NPHS1: variants seen among roughly 807,000 people sequenced by gnomAD.
NPHS1 encodes the protein nephrin.
In NPHS1, 107 loss-of-function variants were observed where a neutral mutation model predicts 139.7. The ratio of observed to expected loss-of-function variants is 0.77; its 90% CI spans 0.66 to 0.90. The LOEUF (loss-of-function observed/expected upper bound fraction) is 0.90, where lower values mean the gene tolerates loss of function less well. NPHS1 is among the 40% of genes least tolerant of loss of function. NPHS1 has a pLI of 0.00. For synonymous variants in NPHS1, 707 were observed against 706.6 expected, an observed-to-expected ratio of 1.00 and a Z score of -0.01; for missense variants, 1,580 against 1,654.2, an observed-to-expected ratio of 0.96 and a Z score of 0.78.
At position 35,839,490 on chromosome 19, in the gene NPHS1, A is replaced by T. The variant is rs1449026883; in HGVS notation, c.2927+6T>A. 6.2e-7 allele frequency: 1 copy of T among 1,613,878 alleles called. No homozygotes were observed. The highest frequency in any genetic ancestry group is 1.7e-5 in the Admixed American group (1 of 60,004). ...TCCCTTCCCTCCTGCCTCGACAAGG[A>T]CCCACCTGATGCAGAACCTCTGTGG... On this transcript the variant is annotated splice_donor_region_variant and intron_variant, in intron 21 of 28. Transcript: ENST00000378910.
chr19:35,848,100 C>G lies in NPHS1; in HGVS notation c.1381G>C (p.Val461Leu). 1 of 1,614,096 alleles carries G rather than the reference C, an allele frequency of 6.2e-7. No individual in the cohort carries two copies. The highest frequency in any genetic ancestry group is 1.1e-5 in the South Asian group (1 of 91,086). Residue 461 changes from valine (V) to leucine (L), a missense_variant, in exon 11 of 29, where the codon GTG becomes CTG. Coordinates refer to ENST00000378910, the MANE Select transcript of NPHS1 (RefSeq NM_004646.4). The stretch of plus-strand genomic sequence containing the variant: ...CCGATAGCCAAACACACCAGCCTCA[C>G]CCGGGTCCCAGCCCGGAGCTTCTGG... The part of the protein sequence containing the change: ...EGQKLRAGTR[V>L]RLVCLAIGGN...
At position 35,851,764 on chromosome 19, in the gene NPHS1, C is replaced by T. The variant is rs916445290; in HGVS notation, c.58+16G>A. 1 of 1,554,852 alleles carries T rather than the reference C, an allele frequency of 6.4e-7. No homozygotes were observed. Among genetic ancestry groups the T allele is most frequent in the East Asian group, 2.4e-5 (1 of 41,196 alleles). On this transcript the variant is annotated intron_variant, in intron 1 of 28. Transcript: ENST00000378910. ...GGGCCACTTGGCGCTGGGTACAAGG[C>T]TGGGATCCCACTCACCTTCAGTCAG...
In NPHS1 at chr19:35,844,347, C is replaced by A. The variant is rs386833900; in HGVS notation, c.2043G>T (p.Trp681Cys). The A allele has an allele frequency of 3.1e-6, 5 of 1,613,936 alleles. No homozygotes were observed. The South Asian group carries it at 5.5e-5, about 18-fold the overall frequency. The change falls in exon 15 of 29, where the codon TGG (tryptophan) becomes TGT (cysteine). Residue 681 changes from tryptophan to cysteine, a missense_variant. Transcript: ENST00000378910. The part of the protein sequence containing the change: ...SANPAPEAFN[W>C]TFRGYRLSPA... Reference sequence around the variant, plus strand: ...GACTGAGGCGATAGCCGCGGAAGGTCCAGTTGAAGGCCTCGGGGGCGGGGT... The same window carrying A: ...GACTGAGGCGATAGCCGCGGAAGGTACAGTTGAAGGCCTCGGGGGCGGGGT...
At chr19:35,834,762 G>A (rs562528555) in intron 23 of NPHS1, among the ~76,000 whole-genome samples, 23 of 152,040 alleles carry the variant, frequency 1.5e-4, no homozygotes, top group South Asian at 1.0e-3. Flanking sequence ...GTGTTGGCAC[G>A]TGCCTGTAGT....
At position 35,848,741 on chromosome 19, in the gene NPHS1, T is replaced by G; in HGVS notation, c.1066A>C (p.Asn356His). The G allele has an allele frequency of 6.2e-7, 1 of 1,614,164 alleles. No individual in the cohort carries two copies. Among genetic ancestry groups the G allele is most frequent in the Non-Finnish European group, 8.5e-7 (1 of 1,180,030 alleles). The change falls in exon 9 of 29, where the codon AAC becomes CAC. Residue 356 changes from asparagine (N) to histidine (H), a missense_variant. By Grantham distance (68) the Asn-to-His change is moderately conservative. Coordinates refer to ENST00000378910, the MANE Select transcript of NPHS1 (RefSeq NM_004646.4). ...LGSASQTENK[N>H]VTLSCVSKSS... ...TTGCTGACACAGGAGAGTGTCACGT[T>G]CTTGTTCTCAGTCTGGGATGCAGAT...
At chr19:35,851,432 A>AGG (rs763082105) in intron 2 of NPHS1, 25 bp downstream of exon 2, 3 of 1,612,688 alleles carry the variant, frequency 1.9e-6, no homozygotes, top group Non-Finnish European at 2.5e-6. Context: ...CTGGTGGCTG[A>AGG]GGGTCTCAGG....
chr19:35,831,281 G>T lies in NPHS1; in HGVS notation c.3387+15C>A, dbSNP rs530194494. 1.9e-6 allele frequency: 3 copies of T among 1,613,618 alleles called. No homozygotes were observed. The highest frequency in any genetic ancestry group is 2.2e-5 in the South Asian group (2 of 91,070). On this transcript the variant is annotated intron_variant, in intron 26 of 28. Coordinates refer to ENST00000378910, the MANE Select transcript of NPHS1 (RefSeq NM_004646.4). ...GTGCCCTGATTGTGGGGTCACCAGG[G>T]CCACCCCCACTTACCGTGGAGCTCT...
At position 35,835,692 on chromosome 19, in the gene NPHS1, A is replaced by G. The variant is rs774688511; in HGVS notation, c.3166+13T>C. On this transcript the variant is annotated intron_variant, in intron 23 of 28. Transcript: ENST00000378910. The stretch of plus-strand genomic sequence containing the variant: ...CAGGGGAGCCGGGAGGGATCAGGGG[A>G]CTGAGGACTTGCCTGAAGGTGGCTC... 5.0e-6 allele frequency: 8 copies of G among 1,612,346 alleles called. No individual in the cohort carries two copies. The highest frequency in any genetic ancestry group is 5.9e-6 in the Non-Finnish European group (7 of 1,178,940).
rs1972879158 is a variant in NPHS1 at position 35,831,340 on chromosome 19, C to A, written c.3343G>T (p.Glu1115Ter). Residue 1115 changes from glutamate to a stop codon, truncating the protein, a stop_gained, in exon 26 of 29, where the codon GAG (glutamate) becomes TAG (stop). Transcript: ENST00000378910. LOFTEE classifies it high-confidence loss of function. ...SEEDRVRNEYEESQWTGERDT... is the reference protein window; with the variant it reads ...SEEDRVRNEY ...CGCTCTCCTGTCCACTGGCTCTCCT[C>A]ATATTCGTTCCTGACTCGGTCCTCT... 6.2e-7 allele frequency: 1 copy of A among 1,614,104 alleles called. No homozygotes were observed. Among genetic ancestry groups the A allele is most frequent in the Non-Finnish European group, 8.5e-7 (1 of 1,180,010 alleles).
In NPHS1 at chr19:35,831,135, T is replaced by C. The variant is rs1972874882; in HGVS notation, c.3399A>G (p.Thr1133=). 1 of 1,613,984 alleles carries C rather than the reference T, an allele frequency of 6.2e-7. No homozygotes were observed. The highest frequency in any genetic ancestry group is 2.2e-5 in the East Asian group (1 of 44,876). ...GGGAGCGGTAATACGGCTCTGCCTCTGTTGTGCTGACCTGTTCCCCACACG... is the reference window on the plus strand; with the variant it reads ...GGGAGCGGTAATACGGCTCTGCCTCCGTTGTGCTGACCTGTTCCCCACACG... The part of the protein sequence containing the change: ...RDTQSSTVST[T]EAEPYYRSLR... Residue 1133 remains threonine (T), a synonymous_variant, in exon 27 of 29, where the codon ACA becomes ACG. Coordinates refer to ENST00000378910, the MANE Select transcript of NPHS1 (RefSeq NM_004646.4).
intron 28 of NPHS1, among the ~76,000 whole-genome samples, chr19:35,829,543 C>CT (rs60571055): frequency 0.028 from 4,042 of 146,556 alleles, 140 homozygotes; most frequent in African/African-American, 0.091. Context: ...ATTTTTTAAA[C>CT]TTTTTTTTTT....
chr19:35,828,413 A>C (rs193286175), intron 28 of NPHS1, among the ~76,000 whole-genome samples: 15 of 152,108 alleles, frequency 9.9e-5, no homozygotes, highest in African/African-American at 3.1e-4. Flanking sequence ...TACAGGCGCC[A>C]GCCACCACAC....
At chr19:35,830,266 T>C (rs1972858292) in intron 28 of NPHS1, among the ~76,000 whole-genome samples, 1 of 152,264 alleles carries the variant, frequency 6.6e-6, no homozygotes, top group Non-Finnish European at 1.5e-5. Context: ...GCACCATTTC[T>C]GGGCCTGGGC....
At chr19:35,841,619 C>A (rs1440929705) in intron 20 of NPHS1, 96 bp downstream of exon 20, 7 of 1,456,280 alleles carry the variant, frequency 4.8e-6, no homozygotes, top group Non-Finnish European at 5.7e-6. Flanking sequence ...ACAGAACTTC[C>A]GGTTTCAGAA....
rs1171722545 is a variant in NPHS1, at chr19:35,844,201, T to G, written c.2114A>C (p.His705Pro). 1 of 1,612,442 alleles carries G rather than the reference T, an allele frequency of 6.2e-7. No individual in the cohort carries two copies. Among genetic ancestry groups the G allele is most frequent in the Non-Finnish European group, 8.5e-7 (1 of 1,179,962 alleles). Reference sequence around the variant, plus strand: ...GTCCGCGCGGGTCACATTCCACAGATGCAGAGCCCCGCTGGACAGGATGCG... The same window carrying G: ...GTCCGCGCGGGTCACATTCCACAGAGGCAGAGCCCCGCTGGACAGGATGCG... Reference protein sequence around the residue: ...RHRILSSGALHLWNVTRADDG... With the variant: ...RHRILSSGALPLWNVTRADDG... The change falls in exon 16 of 29, where the codon CAT becomes CCT. Residue 705 changes from histidine (H) to proline (P), a missense_variant. By Grantham distance (77) the His-to-Pro change is moderately conservative. Coordinates refer to ENST00000378910, the MANE Select transcript of NPHS1 (RefSeq NM_004646.4).
intron 20 of NPHS1, among the ~76,000 whole-genome samples, chr19:35,840,297 G>A (rs1202433251): frequency 1.0e-4 from 15 of 147,020 alleles, no homozygotes; most frequent in African/African-American, 3.5e-4. Flanking sequence ...GAGCCACCGC[G>A]CCTGGCATGG....
At chr19:35,826,776 T>A in intron 28 of NPHS1, 131 bp from the exon 29 acceptor site, 1 of 979,920 alleles carries the variant, frequency 1.0e-6, no homozygotes. Context: ...AATCCCAACA[T>A]ATACAAAAAA....
chr19:35,848,242 C>T lies in NPHS1; in HGVS notation c.1315+11G>A, dbSNP rs1973173191. The T allele has an allele frequency of 1.2e-5, 20 of 1,614,140 alleles. No homozygotes were observed. Among genetic ancestry groups the T allele is most frequent in the Non-Finnish European group, 1.6e-5 (19 of 1,180,022 alleles). ...GCTTGGGGGCATTGCTGGGCCAGGG[C>T]AGGGGCTCACATTTTACGTTCAGGA... On this transcript the variant is annotated intron_variant, in intron 10 of 28. Transcript: ENST00000378910.
rs980680986 is a variant in NPHS1, at chr19:35,835,935, C to G, written c.3110-174G>C. 2.0e-5 allele frequency among the ~76,000 whole-genome samples: 3 copies of G among 149,316 alleles called. No individual in the cohort carries two copies. The South Asian group carries it at 6.5e-4, about 33-fold the overall frequency. On this transcript the variant is annotated intron_variant, in intron 22 of 28. Coordinates refer to ENST00000378910, the MANE Select transcript of NPHS1 (RefSeq NM_004646.4). ...ATAATAATGACAATACTATTAATAGCAATTCTAATGGTAACGCTAATGCTA... is the reference window on the plus strand; with the variant it reads ...ATAATAATGACAATACTATTAATAGGAATTCTAATGGTAACGCTAATGCTA...
Sources: allele counts gnomAD v4.1 joint callset (sites outside exome capture counted in the v4.1 genomes callset), GRCh38; gene constraint gnomAD v4.1.1; transcripts MANE v1.5; gene names NCBI Gene and HGNC (gene_info 2026-07-23, HGNC 2026-07-21).